Variants in ITPR2 observed in about 807,000 individuals in gnomAD.
The protein encoded by ITPR2 is inositol 1,4,5-trisphosphate receptor type 2.
In ITPR2, 207 loss-of-function variants were observed where a neutral mutation model predicts 317.1. The ratio of observed to expected loss-of-function variants is 0.65; its 90% CI spans 0.58 to 0.73. ITPR2 has a LOEUF of 0.73. Ranked by LOEUF, ITPR2 falls within the 30% of genes least tolerant of loss-of-function variation. The pLI is 0.00. For synonymous variants in ITPR2, 1,156 were observed against 1,149.1 expected, an observed-to-expected ratio of 1.01 and a Z score of -0.12; for missense variants, 2,613 against 3,284.0, an observed-to-expected ratio of 0.80 and a Z score of 4.99.
intron 35 of ITPR2, among the ~76,000 whole-genome samples, 189 bp from the exon 36 acceptor site, chr12:26,556,564 T>TG (rs558329274): frequency 0.013 from 1,476 of 111,644 alleles, 19 homozygotes; most frequent in African/African-American, 0.037. Context: ...CTATTTTTTT[T>TG]TTTGTGTGTG....
intron 26 of ITPR2, among the ~76,000 whole-genome samples, chr12:26,610,689 T>C (rs1195245476): frequency 6.6e-6 from 1 of 152,172 alleles, no homozygotes; most frequent in East Asian, 1.9e-4. Context: ...CAGTGAAATA[T>C]AATCAATCAA....
chr12:26,578,002 G>A (rs1405867865), intron 34 of ITPR2, among the ~76,000 whole-genome samples: 1 of 152,186 alleles, frequency 6.6e-6, no homozygotes, highest in African/African-American at 2.4e-5. Context: ...TAACAGTGAT[G>A]AAGACTGATA....
intron 2 of ITPR2, among the ~76,000 whole-genome samples, chr12:26,765,349 G>C (rs1459231876): frequency 2.0e-5 from 3 of 152,026 alleles, no homozygotes; most frequent in Non-Finnish European, 4.4e-5. Context: ...TTTAAGATCA[G>C]AATTCTTTGC....
chr12:26,588,991 T>C (rs923475744), intron 32 of ITPR2, among the ~76,000 whole-genome samples: 8 of 152,206 alleles, frequency 5.3e-5, no homozygotes, highest in Non-Finnish European at 1.5e-5. Flanking sequence ...TGCCTTCTAA[T>C]AATGACTCAA....
At chr12:26,742,738 C>T (rs1209956499) in intron 2 of ITPR2, among the ~76,000 whole-genome samples, 4 of 151,310 alleles carry the variant, frequency 2.6e-5, no homozygotes, top group Admixed American at 6.6e-5. Flanking sequence ...CCCTTGAACC[C>T]GGAAGCAGAG....
intron 52 of ITPR2, among the ~76,000 whole-genome samples, chr12:26,407,807 A>C (rs1940402402): frequency 6.6e-6 from 1 of 152,228 alleles, no homozygotes; most frequent in African/African-American, 2.4e-5. Context: ...AAATGTAAGG[A>C]TAACTAGTAG....
At chr12:26,381,077 T>G (rs1939495224) in intron 55 of ITPR2, among the ~76,000 whole-genome samples, 1 of 152,178 alleles carries the variant, frequency 6.6e-6, no homozygotes. Context: ...GGGGAAGGCC[T>G]ACTCCTGTGG....
intron 34 of ITPR2, among the ~76,000 whole-genome samples, chr12:26,569,243 T>C (rs1445994946): frequency 6.6e-6 from 1 of 151,812 alleles, no homozygotes; most frequent in Non-Finnish European, 1.5e-5. Flanking sequence ...AAATAAAAGT[T>C]CAAATGACAA....
At chr12:26,672,641 C>T (rs1216059657) in intron 13 of ITPR2, among the ~76,000 whole-genome samples, 7 of 151,416 alleles carry the variant, frequency 4.6e-5, no homozygotes, top group Non-Finnish European at 5.9e-5. Context: ...ATTAAAAGAA[C>T]TAGAAAAGCA....
At chr12:26,625,522 C>T (rs2136817664) in intron 23 of ITPR2, among the ~76,000 whole-genome samples, 1 of 151,918 alleles carries the variant, frequency 6.6e-6, no homozygotes, top group East Asian at 1.9e-4. Context: ...TGAAAAAAAT[C>T]ACAATATAGT....
intron 37 of ITPR2, among the ~76,000 whole-genome samples, chr12:26,497,344 C>T (rs1378733725): frequency 2.0e-5 from 3 of 151,916 alleles, no homozygotes; most frequent in African/African-American, 7.3e-5. Flanking sequence ...TTAGTAGAGA[C>T]GTGGTTTCAC....
chr12:26,694,192 C>A (rs1948292194), intron 10 of ITPR2, among the ~76,000 whole-genome samples: 2 of 152,342 alleles, frequency 1.3e-5, no homozygotes, highest in South Asian at 4.1e-4. Context: ...GACAAGGCCA[C>A]TCTGTGACTG....
At position 26,819,886 on chromosome 12, in the gene ITPR2, G is replaced by A. The variant is rs190463363; in HGVS notation, c.92+12804C>T. Reference sequence around the variant, plus strand: ...GGTTGAGACCTGCCTGGACAACATGGCAAAACCCCATCTCTACTAAAAATA... The same window carrying A: ...GGTTGAGACCTGCCTGGACAACATGACAAAACCCCATCTCTACTAAAAATA... On this transcript the variant is annotated intron_variant, in intron 1 of 56. Transcript: ENST00000381340. Among the ~76,000 whole-genome samples, 319 of 152,098 alleles carry A rather than the reference G, an allele frequency of 2.1e-3. 1 individual carries two copies. Among genetic ancestry groups the A allele is most frequent in the African/African-American group, 7.3e-3 (304 of 41,494 alleles).
chr12:26,465,355 A>G (rs529153993), intron 45 of ITPR2, among the ~76,000 whole-genome samples: 1 of 152,350 alleles, frequency 6.6e-6, no homozygotes, highest in Non-Finnish European at 1.5e-5. Flanking sequence ...TGGCCTCACC[A>G]AGAGTGGTTT....
intron 34 of ITPR2, among the ~76,000 whole-genome samples, chr12:26,574,944 GACCCCACCTCCA>G (rs1430301989): frequency 6.6e-6 from 1 of 151,884 alleles, no homozygotes; most frequent in Non-Finnish European, 1.5e-5. Flanking sequence ...CCTCCCACCA[GACCCCACCTCCA>G]ACGTCGGAAT....
intron 49 of ITPR2, 55 bp from the exon 50 acceptor site, chr12:26,419,268 G>A (rs1940816817): frequency 1.3e-6 from 2 of 1,489,684 alleles, no homozygotes; most frequent in Non-Finnish European, 9.3e-7. Context: ...AAACCCACAT[G>A]GATGAAAACT....
intron 37 of ITPR2, among the ~76,000 whole-genome samples, chr12:26,512,126 G>A (rs1341889940): frequency 1.3e-5 from 2 of 150,840 alleles, no homozygotes; most frequent in Non-Finnish European, 1.5e-5. Flanking sequence ...ATCAAGCTGG[G>A]AACTGTGTCA....
chr12:26,507,803 T>A (rs1591839470), intron 37 of ITPR2, among the ~76,000 whole-genome samples: 1 of 151,902 alleles, frequency 6.6e-6, no homozygotes, highest in Non-Finnish European at 1.5e-5. Context: ...GCTGATCTAA[T>A]ACTCCTAAGG....
At chr12:26,571,049 A>G (rs1462777843) in intron 34 of ITPR2, among the ~76,000 whole-genome samples, 1 of 152,196 alleles carries the variant, frequency 6.6e-6, no homozygotes. Context: ...ATTTGCATTT[A>G]TGATCACTTA....
Sources: allele counts gnomAD v4.1 joint callset (sites outside exome capture counted in the v4.1 genomes callset), GRCh38; gene constraint gnomAD v4.1.1; transcripts MANE v1.5; gene names NCBI Gene and HGNC (gene_info 2026-07-23, HGNC 2026-07-21).